KCNIP4: variants seen among roughly 807,000 people sequenced by gnomAD.
KCNIP4 encodes potassium voltage-gated channel interacting protein 4.
KCNIP4 carries 12 observed loss-of-function variants against 34.0 expected under a neutral mutation model. The ratio of observed to expected loss-of-function variants is 0.35; its 90% CI spans 0.23 to 0.57. The LOEUF (loss-of-function observed/expected upper bound fraction) is 0.57, where lower values mean the gene tolerates loss of function less well. Ranked by LOEUF, KCNIP4 falls within the 20% of genes least tolerant of loss-of-function variation. The pLI is 0.83. For missense variants in KCNIP4, 238 were observed against 311.7 expected (o/e 0.76, Z 1.78); for synonymous variants, 124 against 102.2 (o/e 1.21, Z -1.29).
intron 1 of KCNIP4, among the ~76,000 whole-genome samples, chr4:21,542,626 TA>T (rs1291891310): frequency 2.0e-5 from 3 of 151,398 alleles, no homozygotes; most frequent in Non-Finnish European, 4.4e-5. Context: ...GTGATCAAAA[TA>T]AAAAGTGAAA....
At chr4:21,026,512 G>A (rs565157772) in intron 1 of KCNIP4, among the ~76,000 whole-genome samples, 2 of 152,214 alleles carry the variant, frequency 1.3e-5, no homozygotes, top group South Asian at 4.2e-4. Context: ...AAATTAGCCA[G>A]GTGTGGTGGC....
chr4:21,464,241 A>T (rs1192903020), intron 1 of KCNIP4, among the ~76,000 whole-genome samples: 1 of 149,688 alleles, frequency 6.7e-6, no homozygotes, highest in African/African-American at 2.5e-5. Flanking sequence ...CTTCCTTCTG[A>T]TTGTTTTGCA....
intron 1 of KCNIP4, among the ~76,000 whole-genome samples, chr4:21,835,046 A>T (rs1237441943): frequency 1.3e-5 from 2 of 152,154 alleles, no homozygotes; most frequent in African/African-American, 4.8e-5. Flanking sequence ...ATATTGGTCT[A>T]AAATTCTCTT....
At chr4:20,881,647 A>G (rs1179604010) in intron 2 of KCNIP4, among the ~76,000 whole-genome samples, 1 of 152,210 alleles carries the variant, frequency 6.6e-6, no homozygotes, top group Non-Finnish European at 1.5e-5. Context: ...CTCTTTAAGA[A>G]TGCCACAAAA....
intron 1 of KCNIP4, among the ~76,000 whole-genome samples, chr4:21,004,774 A>C (rs1738416851): frequency 6.6e-6 from 1 of 152,314 alleles, no homozygotes; most frequent in East Asian, 1.9e-4. Context: ...TCACTGGTAC[A>C]GAAGATCAGT....
intron 1 of KCNIP4, among the ~76,000 whole-genome samples, chr4:21,173,815 G>A (rs1333832826): frequency 3.3e-5 from 5 of 152,166 alleles, no homozygotes; most frequent in African/African-American, 9.7e-5. Flanking sequence ...AGAAAGTCAC[G>A]TGCTTCAGTC....
chr4:21,673,192 T>C (rs1749636634), intron 1 of KCNIP4, among the ~76,000 whole-genome samples: 3 of 152,216 alleles, frequency 2.0e-5, no homozygotes. Flanking sequence ...TCTCAAGTTA[T>C]AAAGTGCTTT....
At chr4:20,795,007 G>C (rs961976354) in intron 3 of KCNIP4, among the ~76,000 whole-genome samples, 1 of 152,156 alleles carries the variant, frequency 6.6e-6, no homozygotes, top group Non-Finnish European at 1.5e-5. Flanking sequence ...TGGTATTTGA[G>C]CTTTGTGGGA....
intron 1 of KCNIP4, among the ~76,000 whole-genome samples, chr4:21,468,033 G>C (rs1207281002): frequency 6.6e-6 from 1 of 152,136 alleles, no homozygotes; most frequent in Non-Finnish European, 1.5e-5. Flanking sequence ...TCTTCTTTGA[G>C]AGTAACCCTT....
chr4:20,922,034 G>T (rs539452855), intron 1 of KCNIP4, among the ~76,000 whole-genome samples: 122 of 152,222 alleles, frequency 8.0e-4, no homozygotes, highest in Middle Eastern at 3.4e-3. Flanking sequence ...AAAATAAATG[G>T]CAAAAGAAGC....
intron 1 of KCNIP4, among the ~76,000 whole-genome samples, chr4:21,320,273 A>G (rs1013416202): frequency 6.6e-6 from 1 of 152,230 alleles, no homozygotes; most frequent in Non-Finnish European, 1.5e-5. Context: ...TTTTGATGGC[A>G]CAATGAGGAA....
chr4:21,560,481 T>C (rs1739422206), intron 1 of KCNIP4, among the ~76,000 whole-genome samples: 1 of 152,124 alleles, frequency 6.6e-6, no homozygotes, highest in Admixed American at 6.6e-5. Flanking sequence ...GACTTGAAAT[T>C]ATCTAAGCCA....
At chr4:21,197,171 G>C (rs1330606820) in intron 1 of KCNIP4, among the ~76,000 whole-genome samples, 3 of 151,960 alleles carry the variant, frequency 2.0e-5, no homozygotes, top group Non-Finnish European at 1.5e-5. Context: ...TGGGTGTCTG[G>C]GTTGTTTCTA....
chr4:21,397,055 G>A (rs536788578), intron 1 of KCNIP4, among the ~76,000 whole-genome samples: 11 of 152,314 alleles, frequency 7.2e-5, no homozygotes, highest in Admixed American at 6.5e-4. Flanking sequence ...CATGGCATCT[G>A]CCTTGGCAAC....
At chr4:21,287,956 A>C (rs757496069) in intron 1 of KCNIP4, among the ~76,000 whole-genome samples, 1 of 152,222 alleles carries the variant, frequency 6.6e-6, no homozygotes, top group African/African-American at 2.4e-5. Context: ...CCTGATTCTT[A>C]TTCATTCATA....
intron 1 of KCNIP4, among the ~76,000 whole-genome samples, chr4:21,782,652 AGT>A (rs1199134628): frequency 6.6e-6 from 1 of 152,176 alleles, no homozygotes; most frequent in Non-Finnish European, 1.5e-5. Flanking sequence ...GAGCTGTGTT[AGT>A]GCCACTGCAC....
At chr4:21,058,348 G>T (rs1183214510) in intron 1 of KCNIP4, among the ~76,000 whole-genome samples, 1 of 152,118 alleles carries the variant, frequency 6.6e-6, no homozygotes, top group African/African-American at 2.4e-5. Context: ...CATTTATTCT[G>T]CAAGTGATGG....
intron 1 of KCNIP4, among the ~76,000 whole-genome samples, chr4:21,381,357 A>G (rs1721486983): frequency 6.6e-6 from 1 of 152,192 alleles, no homozygotes; most frequent in Non-Finnish European, 1.5e-5. Context: ...GTAGATTTGT[A>G]ATGATTAGCA....
chr4:20,872,131 G>A (rs993672519), intron 2 of KCNIP4, among the ~76,000 whole-genome samples: 1 of 152,062 alleles, frequency 6.6e-6, no homozygotes, highest in African/African-American at 2.4e-5. Context: ...CACTGCTATT[G>A]AAATAAATGT....
Sources: allele counts gnomAD v4.1 joint callset (sites outside exome capture counted in the v4.1 genomes callset), GRCh38; gene constraint gnomAD v4.1.1; transcripts MANE v1.5; gene names NCBI Gene and HGNC (gene_info 2026-07-23, HGNC 2026-07-21).